Variants in PLEKHA7 observed in about 807,000 individuals in gnomAD.
The protein encoded by PLEKHA7 is pleckstrin homology domain containing A7, also known as pleckstrin homology domain-containing family A member 7.
Under a neutral mutation model 170.0 loss-of-function variants are expected in PLEKHA7, and 104 were observed. The observed-to-expected ratio is 0.61, with a 90% CI of 0.52 to 0.72. The LOEUF (loss-of-function observed/expected upper bound fraction) is 0.72, where lower values mean the gene tolerates loss of function less well. Among genes scored for constraint, PLEKHA7 ranks in the 30% least tolerant of loss-of-function variants. The pLI is 0.00. For missense variants in PLEKHA7, 1,615 were observed against 1,671.7 expected, an observed-to-expected ratio of 0.97 and a Z score of 0.59; for synonymous variants, 648 against 660.8, an observed-to-expected ratio of 0.98 and a Z score of 0.30.
rs183563707 is a variant in PLEKHA7 at position 16,947,854 on chromosome 11, T to A, written c.221+66135A>T. On this transcript the variant is annotated intron_variant, in intron 3 of 26. Transcript: ENST00000531066. ...TTACTTGAGCCTTGGAGGCAGAGGC[T>A]GCAGTGAGCCGAGATCATGCCACTA... 2.1e-4 allele frequency among the ~76,000 whole-genome samples: 31 copies of A among 144,362 alleles called. 1 individual carries two copies. In the East Asian group the frequency reaches 5.9e-3, roughly 27 times the overall value. 94.7% of individuals were successfully genotyped at this position (144,362 alleles called of 152,430 possible). A position where few individuals can be genotyped will look rare whatever the true frequency, so the allele number is the denominator to read the frequency against.
Position 17,014,260 on chromosome 11 carries a change from C to T in PLEKHA7, c.86+56G>A, listed in dbSNP as rs1261411369. ...CACAGCCCGCCGGGTGCCCGCCCGGCCCCCGCCCCCGCGCCCCCACCCGCG... is the reference window on the plus strand; with the variant it reads ...CACAGCCCGCCGGGTGCCCGCCCGGTCCCCGCCCCCGCGCCCCCACCCGCG... On this transcript the variant is annotated intron_variant, in intron 1 of 26. Transcript: ENST00000531066. The T allele has an allele frequency of 3.9e-5, 53 of 1,369,614 alleles. 1 individual carries two copies. The highest frequency in any genetic ancestry group is 4.9e-5 in the Non-Finnish European group (52 of 1,055,862). The allele number at this position is 1,369,614 out of a possible 1,614,324, so 84.8% of individuals were successfully genotyped here.
chr11:16,925,559 C>G (rs1048767409), intron 3 of PLEKHA7, among the ~76,000 whole-genome samples: 1 of 152,208 alleles, frequency 6.6e-6, no homozygotes, highest in Non-Finnish European at 1.5e-5. Flanking sequence ...CTGCCAGACC[C>G]CCAGCGTGGC....
intron 10 of PLEKHA7, among the ~76,000 whole-genome samples, chr11:16,824,329 C>T (rs2134899891): frequency 6.6e-6 from 1 of 152,196 alleles, no homozygotes; most frequent in East Asian, 1.9e-4. Flanking sequence ...GAGTTCGAAT[C>T]CAGCCTGGTC....
Position 16,969,257 on chromosome 11 carries a change from A to G in PLEKHA7, c.221+44732T>C, listed in dbSNP as rs539412967. Among the ~76,000 whole-genome samples the G allele has an allele frequency of 9.2e-5, 14 of 152,278 alleles. No individual in the cohort carries two copies. The South Asian group carries it at 2.7e-3, about 29-fold the overall frequency. Reference sequence around the variant, plus strand: ...GCAGGAAGCCAGATGACAGAATTAGAGCTAAAAGATCTTAACAAGCTGATT... The same window carrying G: ...GCAGGAAGCCAGATGACAGAATTAGGGCTAAAAGATCTTAACAAGCTGATT... On this transcript the variant is annotated intron_variant, in intron 3 of 26. Transcript: ENST00000531066.
intron 3 of PLEKHA7, among the ~76,000 whole-genome samples, chr11:16,981,183 A>G (rs923102604): frequency 2.0e-5 from 3 of 152,226 alleles, no homozygotes; most frequent in Non-Finnish European, 2.9e-5. Context: ...TGACCAGGAC[A>G]TAAGATTAAA....
intron 3 of PLEKHA7, among the ~76,000 whole-genome samples, chr11:16,973,680 G>A (rs571546903): frequency 2.0e-5 from 3 of 152,300 alleles, no homozygotes; most frequent in Admixed American, 2.0e-4. Context: ...AACTTAGACT[G>A]AGCAGCTGCT....
intron 3 of PLEKHA7, among the ~76,000 whole-genome samples, chr11:16,979,870 G>C (rs557210584): frequency 1.2e-4 from 19 of 152,254 alleles, no homozygotes; most frequent in Non-Finnish European, 2.2e-4. Flanking sequence ...TAAGCAAGCA[G>C]GTCTGTGTAC....
chr11:17,006,464 T>C (rs949245831), intron 3 of PLEKHA7, among the ~76,000 whole-genome samples: 7 of 87,044 alleles, frequency 8.0e-5, no homozygotes, highest in African/African-American at 2.6e-4. Flanking sequence ...CCATCTGTAC[T>C]AAAAATACAA....
intron 3 of PLEKHA7, among the ~76,000 whole-genome samples, chr11:17,010,936 C>G (rs10741722): frequency 0.63 from 96,606 of 152,152 alleles, 31,320 homozygotes; most frequent in East Asian, 0.96. Context: ...CACAGAAGGA[C>G]GTCAGAAGTA....
At chr11:16,984,998 TG>T (rs2136893705) in intron 3 of PLEKHA7, among the ~76,000 whole-genome samples, 1 of 152,356 alleles carries the variant, frequency 6.6e-6, no homozygotes, top group African/African-American at 2.4e-5. Flanking sequence ...AACTCTGTGA[TG>T]GCATCTTCTT....
At chr11:16,804,889 C>CG (rs57180263) in intron 13 of PLEKHA7, among the ~76,000 whole-genome samples, 13,449 of 151,322 alleles carry the variant, frequency 0.089, 682 homozygotes, top group Non-Finnish European at 0.1. Context: ...TCCTGCAATG[C>CG]GGGGGGGGCG....
At chr11:16,788,962 T>G in intron 23 of PLEKHA7, 134 bp downstream of exon 23, 2 of 1,122,512 alleles carry the variant, frequency 1.8e-6, no homozygotes, top group Non-Finnish European at 1.3e-6. Flanking sequence ...AACAGCCCCG[T>G]GGGGTGTTCT....
chr11:16,826,471 T>A lies in PLEKHA7; in HGVS notation c.992A>T (p.Asp331Val), dbSNP rs752336153. The A allele has an allele frequency of 2.5e-6, 4 of 1,614,094 alleles. No individual in the cohort carries two copies. The African/African-American group carries it at 4.0e-5, about 16-fold the overall frequency. ...TRDCPHRGHDDIVNFERQEQE... is the reference protein window; with the variant it reads ...TRDCPHRGHDVIVNFERQEQE... ...CTCCTGCCTCTCGAAGTTGACAATG[T>A]CATCATGGCCACGATGAGGACAATC... The change falls in exon 10 of 27, where the codon GAC (aspartate) becomes GTC (valine). Residue 331 changes from aspartate to valine, a missense_variant. By Grantham distance (152) the Asp-to-Val change is radical. Transcript: ENST00000531066.
At chr11:16,783,585 G>T in intron 25 of PLEKHA7, 115 bp downstream of exon 25, 1 of 1,183,450 alleles carries the variant, frequency 8.4e-7, no homozygotes, top group Non-Finnish European at 1.1e-6. Flanking sequence ...GGGCTTACCT[G>T]AGACGAAGAC....
intron 14 of PLEKHA7, 71 bp downstream of exon 14, chr11:16,803,156 C>T: frequency 4.5e-6 from 7 of 1,566,828 alleles, no homozygotes; most frequent in Non-Finnish European, 6.2e-6. Flanking sequence ...CCAAGCCCTG[C>T]CTGAAGCTGT....
intron 3 of PLEKHA7, among the ~76,000 whole-genome samples, chr11:16,978,279 T>A (rs1863194398): frequency 6.6e-6 from 1 of 152,208 alleles, no homozygotes; most frequent in African/African-American, 2.4e-5. Context: ...GTCCCTCAAT[T>A]AAATTCTGCA....
intron 9 of PLEKHA7, among the ~76,000 whole-genome samples, chr11:16,828,205 G>A (rs573939597): frequency 5.3e-5 from 8 of 152,264 alleles, no homozygotes; most frequent in African/African-American, 1.2e-4. Flanking sequence ...CCCATGTGTC[G>A]TGGGAAGGAC....
chr11:16,965,753 G>A (rs149991092), intron 3 of PLEKHA7, among the ~76,000 whole-genome samples: 3 of 152,292 alleles, frequency 2.0e-5, no homozygotes, highest in African/African-American at 4.8e-5. Flanking sequence ...TTTTGGCCTC[G>A]ATCTTCCCAT....
At chr11:16,892,985 C>G (rs550048751) in intron 3 of PLEKHA7, among the ~76,000 whole-genome samples, 12 of 152,262 alleles carry the variant, frequency 7.9e-5, no homozygotes, top group African/African-American at 2.9e-4. Context: ...TTCCCTAGGG[C>G]CCCTTTTATA....
Sources: allele counts gnomAD v4.1 joint callset (sites outside exome capture counted in the v4.1 genomes callset), GRCh38; gene constraint gnomAD v4.1.1; transcripts MANE v1.5; gene names NCBI Gene and HGNC (gene_info 2026-07-23, HGNC 2026-07-21).